SMC5: variants seen among roughly 807,000 people sequenced by gnomAD.
The protein encoded by SMC5 is structural maintenance of chromosomes 5.
SMC5 carries 88 observed loss-of-function variants against 148.3 expected under a neutral mutation model. That is an observed-to-expected ratio of 0.59 (90% CI 0.50 to 0.71). SMC5 has a LOEUF of 0.71. SMC5 is among the 30% of genes least tolerant of loss of function. The pLI, the probability that SMC5 is intolerant of heterozygous loss-of-function variation, is 0.00. For synonymous variants in SMC5, 421 were observed against 432.8 expected (o/e 0.97, Z 0.34); for missense variants, 1,142 against 1,298.9 (o/e 0.88, Z 1.86).
chr9:70,326,389 G>A (rs758500786), intron 17 of SMC5, among the ~76,000 whole-genome samples: 2 of 151,996 alleles, frequency 1.3e-5, no homozygotes, highest in Non-Finnish European at 2.9e-5. Flanking sequence ...AAATGGATGA[G>A]CAAAGGTGTA....
chr9:70,267,985 A>G lies in SMC5; in HGVS notation c.380+10A>G, dbSNP rs199591365. On this transcript the variant is annotated intron_variant, in intron 3 of 24. Coordinates refer to ENST00000361138, the MANE Select transcript of SMC5 (RefSeq NM_015110.4). ...TGGTTGAAATTGAATTGTAAGTGTTAAAAGTGCTAAAACTCCTTTTTCCTA... is the reference window on the plus strand; with the variant it reads ...TGGTTGAAATTGAATTGTAAGTGTTGAAAGTGCTAAAACTCCTTTTTCCTA... 121 of 1,605,212 alleles carry G rather than the reference A, an allele frequency of 7.5e-5. No individual in the cohort carries two copies. The African/African-American group carries it at 1.5e-3, about 20-fold the overall frequency.
intron 17 of SMC5, among the ~76,000 whole-genome samples, chr9:70,342,170 A>G (rs1035126230): frequency 8.1e-5 from 12 of 148,644 alleles, no homozygotes; most frequent in African/African-American, 3.0e-4. Context: ...GTTCTCACTC[A>G]TAGGTAGGAA....
intron 17 of SMC5, among the ~76,000 whole-genome samples, chr9:70,333,250 A>G (rs1177933613): frequency 6.6e-6 from 1 of 152,228 alleles, no homozygotes; most frequent in Admixed American, 6.5e-5. Flanking sequence ...GGCCCCACCT[A>G]CAAACAATGA....
chr9:70,302,104 G>A (rs953085352), intron 10 of SMC5, among the ~76,000 whole-genome samples: 8 of 152,196 alleles, frequency 5.3e-5, no homozygotes, highest in Non-Finnish European at 1.0e-4. Context: ...TGGGCACCAT[G>A]GCTCACGCCT....
intron 1 of SMC5, among the ~76,000 whole-genome samples, chr9:70,263,590 A>G (rs1314166089): frequency 6.6e-6 from 1 of 152,222 alleles, no homozygotes; most frequent in African/African-American, 2.4e-5. Flanking sequence ...ACATTTTGTC[A>G]TAACTGTCCC....
chr9:70,298,297 T>G, intron 9 of SMC5, 76 bp downstream of exon 9: 1 of 1,449,140 alleles, frequency 6.9e-7, no homozygotes, highest in Non-Finnish European at 9.2e-7. Flanking sequence ...CTTCTGCTTC[T>G]ATAATTATTT....
At chr9:70,334,633 A>ATG (rs746540507) in intron 17 of SMC5, among the ~76,000 whole-genome samples, 7 of 151,728 alleles carry the variant, frequency 4.6e-5, no homozygotes, top group Admixed American at 2.0e-4. Flanking sequence ...GAGTGTGTGT[A>ATG]TGTGTGTGTG....
intron 17 of SMC5, among the ~76,000 whole-genome samples, chr9:70,336,152 C>T (rs1418485811): frequency 2.0e-5 from 3 of 152,060 alleles, no homozygotes; most frequent in African/African-American, 7.2e-5. Context: ...TAAATGTGAG[C>T]TATATAGGGG....
At chr9:70,260,869 A>G (rs1307443969) in intron 1 of SMC5, among the ~76,000 whole-genome samples, 1 of 152,150 alleles carries the variant, frequency 6.6e-6, no homozygotes, top group African/African-American at 2.4e-5. Flanking sequence ...CAGCCTTTCA[A>G]GTAGCTCGGA....
chr9:70,308,631 C>T (rs993685895), intron 11 of SMC5, among the ~76,000 whole-genome samples: 1 of 141,612 alleles, frequency 7.1e-6, no homozygotes, highest in African/African-American at 2.6e-5. Flanking sequence ...AATTACTAAT[C>T]TGTCCTACCA....
intron 7 of SMC5, among the ~76,000 whole-genome samples, chr9:70,285,996 A>T (rs1487706543): frequency 6.6e-6 from 1 of 152,234 alleles, no homozygotes; most frequent in Admixed American, 6.5e-5. Flanking sequence ...ATGCATGCGT[A>T]TTACTGCAAC....
intron 8 of SMC5, among the ~76,000 whole-genome samples, chr9:70,287,028 TTA>T (rs894226676): frequency 1.3e-5 from 2 of 152,146 alleles, no homozygotes; most frequent in Non-Finnish European, 2.9e-5. Flanking sequence ...GAACTTTTTA[TTA>T]TATTTTTATT....
chr9:70,259,980 G>A (rs564829351), intron 1 of SMC5, among the ~76,000 whole-genome samples: 3 of 144,634 alleles, frequency 2.1e-5, no homozygotes, highest in South Asian at 2.2e-4. Context: ...CGCTCCTGTA[G>A]CCCACGCTGG....
chr9:70,347,126 T>G lies in SMC5; in HGVS notation c.2629T>G (p.Ser877Ala), dbSNP rs1043587301. ...EIDALLTEER[S>A]RASCFTGLNP... The stretch of plus-strand genomic sequence containing the variant: ...TGATGCTTTATTAACTGAAGAAAGA[T>G]CAAGAGCTTCCTGCTTCACGGGACT... Residue 877 changes from serine (S) to alanine (A), a missense_variant, in exon 20 of 25, where the codon TCA becomes GCA. By Grantham distance (99) the Ser-to-Ala change is moderately conservative. This residue lies in a region of SMC5 where 743 missense variants were observed against 835.7 expected (regional missense o/e 0.89). Transcript: ENST00000361138. The G allele has an allele frequency of 5.0e-6, 8 of 1,613,990 alleles. No individual in the cohort carries two copies. Among genetic ancestry groups the G allele is most frequent in the Non-Finnish European group, 5.9e-6 (7 of 1,179,976 alleles).
intron 17 of SMC5, among the ~76,000 whole-genome samples, chr9:70,338,361 C>T (rs1284991476): frequency 6.6e-6 from 1 of 152,156 alleles, no homozygotes; most frequent in African/African-American, 2.4e-5. Context: ...TTTTGATTCT[C>T]TTTTTGTTCT....
chr9:70,299,414 A>G (rs2035296576), intron 9 of SMC5, among the ~76,000 whole-genome samples: 1 of 151,756 alleles, frequency 6.6e-6, no homozygotes, highest in African/African-American at 2.4e-5. Context: ...CCTGAGTCCC[A>G]TAGCCTTCTG....
At position 70,331,887 on chromosome 9, in the gene SMC5, G is replaced by C. The variant is rs568393249; in HGVS notation, c.2397+7744G>C. ...CACAGGACAGTGATCCTTGAGAGAA[G>C]GGGTAGAAAACAAAGTGAGCCCTAT... On this transcript the variant is annotated intron_variant, in intron 17 of 24. Coordinates refer to ENST00000361138, the MANE Select transcript of SMC5 (RefSeq NM_015110.4). Among the ~76,000 whole-genome samples, 4 of 152,224 alleles carry C rather than the reference G, an allele frequency of 2.6e-5. No individual in the cohort carries two copies. The East Asian group carries it at 7.7e-4, about 29-fold the overall frequency.
chr9:70,329,747 C>T (rs2036173506), intron 17 of SMC5, among the ~76,000 whole-genome samples: 1 of 152,196 alleles, frequency 6.6e-6, no homozygotes, highest in Non-Finnish European at 1.5e-5. Context: ...AATGCCCCCA[C>T]TTCTCTTGTA....
chr9:70,267,803 G>A (rs916473776), intron 2 of SMC5, 120 bp from the exon 3 acceptor site: 6 of 755,078 alleles, frequency 7.9e-6, no homozygotes, highest in Non-Finnish European at 1.1e-5. Flanking sequence ...TGACAGGAGC[G>A]AACATACAAG....
Sources: gnomAD v4.1 joint callset for allele counts (sites outside exome capture counted in the v4.1 genomes callset) on GRCh38, gnomAD v4.1.1 for gene constraint, gnomAD v4.1.1 regional missense constraint, MANE v1.5 for transcripts, NCBI Gene and HGNC (gene_info 2026-07-23, HGNC 2026-07-21) for gene names.